The following DPP6 variants were observed in gnomAD, a reference collection of about 807,000 sequenced individuals.
DPP6 encodes the protein A-type potassium channel modulatory protein DPP6.
DPP6 carries 69 observed loss-of-function variants against 122.6 expected under a neutral mutation model. The ratio of observed to expected loss-of-function variants is 0.56; its 90% CI spans 0.46 to 0.69. DPP6 has a LOEUF of 0.69. Ranked by LOEUF, DPP6 falls within the 30% of genes least tolerant of loss-of-function variation. DPP6 has a pLI of 0.00. For synonymous variants in DPP6, 418 were observed against 433.1 expected (o/e 0.97, Z 0.43); for missense variants, 928 against 1,116.9 (o/e 0.83, Z 2.41).
At chr7:153,823,005 A>G in the DPP6 span, among the ~76,000 whole-genome samples, 1 of 152,056 alleles carries the variant, frequency 6.6e-6, no homozygotes, top group Non-Finnish European at 1.5e-5. Flanking sequence ...ACTCAAGTGC[A>G]TTTTCAAAGG....
At chr7:154,173,537 C>A (rs1797643267) in intron 1 of DPP6, among the ~76,000 whole-genome samples, 1 of 152,092 alleles carries the variant, frequency 6.6e-6, no homozygotes, top group Admixed American at 6.6e-5. Context: ...CTCTCTCTGC[C>A]TTCTCTCTCT....
chr7:154,814,392 T>A (rs563161392), intron 16 of DPP6, among the ~76,000 whole-genome samples: 1 of 152,222 alleles, frequency 6.6e-6, no homozygotes, highest in African/African-American at 2.4e-5. Context: ...TTTCATCCCC[T>A]TACAGGAGGG....
chr7:153,950,741 A>G (rs1004451472), intron 1 of DPP6, among the ~76,000 whole-genome samples: 3 of 152,180 alleles, frequency 2.0e-5, no homozygotes, highest in African/African-American at 4.8e-5. Flanking sequence ...TTCAAGGAAA[A>G]TAAGAAGGAG....
chr7:154,772,254 G>A (rs144946488), intron 9 of DPP6, among the ~76,000 whole-genome samples: 256 of 152,270 alleles, frequency 1.7e-3, no homozygotes, highest in African/African-American at 5.7e-3. Context: ...ATGCCCTGTC[G>A]TGGGCCTGAT....
intron 4 of DPP6, among the ~76,000 whole-genome samples, chr7:154,562,276 G>A (rs113415604): frequency 0.015 from 2,265 of 152,140 alleles, 28 homozygotes; most frequent in South Asian, 0.037. Flanking sequence ...CAGCATGCAA[G>A]GTTGGTTTAA....
intron 1 of DPP6, among the ~76,000 whole-genome samples, chr7:154,215,716 G>A (rs1799959723): frequency 6.6e-6 from 1 of 151,962 alleles, no homozygotes; most frequent in African/African-American, 2.4e-5. Flanking sequence ...ACCTAAGTAG[G>A]CTGGCCCAGA....
At chr7:153,925,919 TGTGATGGCATGAGGAGGGTGAGG>T (rs1234116666) in intron 1 of DPP6, among the ~76,000 whole-genome samples, 2 of 152,218 alleles carry the variant, frequency 1.3e-5, no homozygotes, top group Admixed American at 6.5e-5. Context: ...TAGGAACTCC[TGTGATGGCATGAGGAGGGTGAGG>T]GTGATGGCAT....
intron 7 of DPP6, among the ~76,000 whole-genome samples, chr7:154,680,921 C>G (rs1196115743): frequency 6.6e-6 from 1 of 152,168 alleles, no homozygotes; most frequent in African/African-American, 2.4e-5. Context: ...CTGGGACTCA[C>G]TCTCTTTTTG....
intron 1 of DPP6, among the ~76,000 whole-genome samples, chr7:154,317,058 T>C (rs1163482604): frequency 6.6e-6 from 1 of 152,116 alleles, no homozygotes; most frequent in African/African-American, 2.4e-5. Flanking sequence ...ATGAGTTGGG[T>C]CAAAGATTTG....
rs748306061 is a variant in DPP6 at position 154,757,068 on chromosome 7, C to T, written c.884-12349C>T. On this transcript the variant is annotated intron_variant, in intron 8 of 25. Coordinates refer to ENST00000377770, the MANE Select transcript of DPP6 (RefSeq NM_130797.4). ...AACAGGCCAGCCTCTTTCCATCCCT[C>T]ACGGCCCCTGAAGAACTGGCCAGCC... Among the ~76,000 whole-genome samples, 213 of 150,218 alleles carry T rather than the reference C, an allele frequency of 1.4e-3. 3 individuals carry two copies. The highest frequency in any genetic ancestry group is 4.9e-4 in the Non-Finnish European group (33 of 67,680).
intron 1 of DPP6, among the ~76,000 whole-genome samples, chr7:154,220,223 T>C (rs1157017780): frequency 6.6e-6 from 1 of 152,140 alleles, no homozygotes; most frequent in Non-Finnish European, 1.5e-5. Flanking sequence ...ATTAAGCCCC[T>C]TATAAAAGGG....
the DPP6 span, among the ~76,000 whole-genome samples, chr7:153,864,369 T>A: frequency 6.6e-6 from 1 of 152,076 alleles, no homozygotes; most frequent in Non-Finnish European, 1.5e-5. Flanking sequence ...AAATATATGC[T>A]TGGGGCCGGG....
chr7:154,359,118 C>G (rs1811512292), intron 1 of DPP6, among the ~76,000 whole-genome samples: 1 of 152,200 alleles, frequency 6.6e-6, no homozygotes, highest in African/African-American at 2.4e-5. Context: ...AGACTGAAGA[C>G]AGCATAGAAG....
chr7:153,814,923 A>G, the DPP6 span, among the ~76,000 whole-genome samples: 1 of 152,126 alleles, frequency 6.6e-6, no homozygotes, highest in East Asian at 1.9e-4. Context: ...TCATGCTAAA[A>G]ACTCTCAATA....
At chr7:154,336,772 G>T (rs34673290) in intron 1 of DPP6, among the ~76,000 whole-genome samples, 14,664 of 152,168 alleles carry the variant, frequency 0.096, 865 homozygotes, top group South Asian at 0.18. Context: ...GGTTACAGAT[G>T]CGGGAAGTGG....
At chr7:154,539,629 A>G (rs1258032938) in intron 3 of DPP6, among the ~76,000 whole-genome samples, 1 of 151,846 alleles carries the variant, frequency 6.6e-6, no homozygotes, top group Admixed American at 6.6e-5. Context: ...CTTAAAGTAT[A>G]ATACAAAAAA....
chr7:153,854,489 G>T, the DPP6 span, among the ~76,000 whole-genome samples: 3 of 148,356 alleles, frequency 2.0e-5, no homozygotes, highest in African/African-American at 7.5e-5. Flanking sequence ...ATGAAAAAAT[G>T]CTCATCATCA....
chr7:154,379,941 A>G (rs886657457), intron 1 of DPP6, among the ~76,000 whole-genome samples: 4 of 152,224 alleles, frequency 2.6e-5, no homozygotes, highest in East Asian at 1.9e-4. Flanking sequence ...GAATCTAATC[A>G]TGAGGAAACA....
chr7:154,082,508 A>G (rs1455154132), intron 1 of DPP6, among the ~76,000 whole-genome samples: 2 of 151,972 alleles, frequency 1.3e-5, no homozygotes, highest in Non-Finnish European at 2.9e-5. Context: ...CCTAATTTCA[A>G]CAACACAATC....
Sources: gnomAD v4.1 joint callset for allele counts (sites outside exome capture counted in the v4.1 genomes callset) on GRCh38, gnomAD v4.1.1 for gene constraint, MANE v1.5 for transcripts, NCBI Gene and HGNC (gene_info 2026-07-23, HGNC 2026-07-21) for gene names.